The following SPPL2A variants were observed in gnomAD, a reference collection of about 807,000 sequenced individuals.
SPPL2A encodes the protein signal peptide peptidase like 2A.
SPPL2A carries 51 observed loss-of-function variants against 63.8 expected under a neutral mutation model. The ratio of observed to expected loss-of-function variants is 0.80; its 90% CI spans 0.64 to 1.01. SPPL2A has a LOEUF of 1.01. Ranked by LOEUF, SPPL2A falls within the 50% of genes least tolerant of loss-of-function variation. SPPL2A has a pLI of 0.00. For synonymous variants in SPPL2A, 188 were observed against 205.8 expected, an observed-to-expected ratio of 0.91 and a Z score of 0.74; for missense variants, 553 against 622.7, an observed-to-expected ratio of 0.89 and a Z score of 1.19.
rs146611364 is a variant in SPPL2A at position 50,747,587 on chromosome 15, C to G, written c.492G>C (p.Ser164=). 3.7e-6 allele frequency: 6 copies of G among 1,609,360 alleles called. No homozygotes were observed. The highest frequency in any genetic ancestry group is 5.1e-6 in the Non-Finnish European group (6 of 1,176,430). Residue 164 remains serine (S), a synonymous_variant, in exon 5 of 15, where the codon TCG becomes TCC. Transcript: ENST00000261854. ...DNITVKMYSP[S]WPNFDYTMVV... The stretch of plus-strand genomic sequence containing the variant: ...CCATAGTATAATCAAAGTTAGGCCA[C>G]GATGGAGAATACATTTTCACAGTAA...
chr15:50,764,578 A>G (rs562753832), intron 1 of SPPL2A: 1 of 152,364 alleles, frequency 6.6e-6, no homozygotes, highest in South Asian at 2.1e-4. Flanking sequence ...AAACAAGCTT[A>G]CACGACACCA....
At chr15:50,752,401 G>A (rs1389963508) in intron 1 of SPPL2A, among the ~76,000 whole-genome samples, 1 of 151,530 alleles carries the variant, frequency 6.6e-6, no homozygotes, top group African/African-American at 2.4e-5. Flanking sequence ...GGCCGATATG[G>A]CAAAACCCCG....
chr15:50,757,268 G>C (rs1453858224), intron 1 of SPPL2A, among the ~76,000 whole-genome samples: 1 of 151,896 alleles, frequency 6.6e-6, no homozygotes, highest in East Asian at 1.9e-4. Context: ...ATTTTTAATA[G>C]AGACGGAGTT....
chr15:50,735,134 A>G (rs1023937074), intron 8 of SPPL2A, among the ~76,000 whole-genome samples: 2 of 151,612 alleles, frequency 1.3e-5, no homozygotes, highest in Non-Finnish European at 2.9e-5. Context: ...CGAACTCCTG[A>G]CCACAGGTGA....
At chr15:50,758,775 T>A (rs950265485) in intron 1 of SPPL2A, among the ~76,000 whole-genome samples, 3 of 152,110 alleles carry the variant, frequency 2.0e-5, no homozygotes, top group Non-Finnish European at 4.4e-5. Flanking sequence ...TTAAAAAAAA[T>A]TTTTACTATC....
chr15:50,723,693 C>G (rs1036776579), intron 12 of SPPL2A, among the ~76,000 whole-genome samples: 5 of 152,178 alleles, frequency 3.3e-5, no homozygotes, highest in African/African-American at 1.2e-4. Context: ...CCAGGCTGGT[C>G]TTGAACTCCT....
intron 5 of SPPL2A, among the ~76,000 whole-genome samples, chr15:50,741,227 A>C (rs1368388084): frequency 6.6e-6 from 1 of 152,146 alleles, no homozygotes; most frequent in Non-Finnish European, 1.5e-5. Context: ...AATACTTTTC[A>C]ACAACTCTGT....
At chr15:50,728,045 C>T (rs2062699827) in intron 10 of SPPL2A, among the ~76,000 whole-genome samples, 2 of 152,148 alleles carry the variant, frequency 1.3e-5, no homozygotes, top group South Asian at 4.1e-4. Context: ...AATTCTGAAA[C>T]ATTCTATGTA....
At chr15:50,760,480 C>T (rs1053142898) in intron 1 of SPPL2A, among the ~76,000 whole-genome samples, 13 of 152,026 alleles carry the variant, frequency 8.6e-5, no homozygotes, top group African/African-American at 2.4e-4. Context: ...AGGCTGGTTT[C>T]GAACTCCTGA....
At chr15:50,719,356 T>A (rs1007310984) in intron 14 of SPPL2A, among the ~76,000 whole-genome samples, 2 of 152,176 alleles carry the variant, frequency 1.3e-5, no homozygotes, top group African/African-American at 4.8e-5. Context: ...GTGATTCTCC[T>A]GCCTCAGCCT....
intron 1 of SPPL2A, among the ~76,000 whole-genome samples, chr15:50,755,354 C>A (rs1423056411): frequency 6.6e-6 from 1 of 150,666 alleles, no homozygotes; most frequent in Non-Finnish European, 1.5e-5. Context: ...GGCACGGTGG[C>A]TCATGCCTGC....
chr15:50,721,607 A>T (rs1472961190), intron 13 of SPPL2A, among the ~76,000 whole-genome samples: 14 of 143,200 alleles, frequency 9.8e-5, no homozygotes, highest in African/African-American at 3.1e-4. Flanking sequence ...TACAAAAATA[A>T]TTTTTTTTTT....
chr15:50,708,128 T>G (rs2062526388), intron 14 of SPPL2A, among the ~76,000 whole-genome samples: 1 of 152,160 alleles, frequency 6.6e-6, no homozygotes, highest in Admixed American at 6.5e-5. Flanking sequence ...TATCTCCATT[T>G]CCCAATATGA....
At chr15:50,729,638 C>CA (rs1054472847) in intron 10 of SPPL2A, among the ~76,000 whole-genome samples, 21 of 148,264 alleles carry the variant, frequency 1.4e-4, no homozygotes, top group African/African-American at 2.5e-4. Context: ...AGGAAAAAAC[C>CA]AAAAAAAAGG....
intron 12 of SPPL2A, among the ~76,000 whole-genome samples, chr15:50,722,617 T>C (rs2062657458): frequency 1.3e-5 from 2 of 152,090 alleles, no homozygotes; most frequent in Admixed American, 1.3e-4. Flanking sequence ...CCACCACACT[T>C]GGCTAATTTT....
intron 6 of SPPL2A, among the ~76,000 whole-genome samples, chr15:50,737,716 G>A (rs896789526): frequency 6.6e-6 from 1 of 152,110 alleles, no homozygotes; most frequent in Non-Finnish European, 1.5e-5. Flanking sequence ...GCCTCCCAAA[G>A]TGCTGGGATT....
chr15:50,712,845 C>T (rs2062570543), intron 14 of SPPL2A, among the ~76,000 whole-genome samples: 1 of 151,962 alleles, frequency 6.6e-6, no homozygotes, highest in Non-Finnish European at 1.5e-5. Context: ...GCCACCACAC[C>T]TGGCTAATTT....
At chr15:50,734,644 T>C (rs143334748) in intron 8 of SPPL2A, among the ~76,000 whole-genome samples, 62 of 152,248 alleles carry the variant, frequency 4.1e-4, no homozygotes, top group African/African-American at 1.5e-3. Flanking sequence ...AATAACTTAT[T>C]GTATATTGTA....
At chr15:50,736,571 T>C (rs548516809) in intron 7 of SPPL2A, 73 bp downstream of exon 7, 243 of 869,510 alleles carry the variant, frequency 2.8e-4, no homozygotes, top group Non-Finnish European at 4.3e-4. Context: ...AGGTTTCAAA[T>C]AATACTCCTA....
Sources: gnomAD v4.1 joint callset for allele counts (sites outside exome capture counted in the v4.1 genomes callset) on GRCh38, gnomAD v4.1.1 for gene constraint, MANE v1.5 for transcripts, NCBI Gene and HGNC (gene_info 2026-07-23, HGNC 2026-07-21) for gene names.